PHEX: variants seen among roughly 807,000 people sequenced by gnomAD.
The protein encoded by PHEX is phosphate-regulating neutral endopeptidase PHEX.
In PHEX, 16 loss-of-function variants were observed where a neutral mutation model predicts 68.0. The observed-to-expected ratio is 0.24, with a 90% CI of 0.16 to 0.36. The LOEUF (loss-of-function observed/expected upper bound fraction) is 0.36. Among genes scored for constraint, PHEX ranks in the 10% least tolerant of loss-of-function variants. The pLI is 1.00. For synonymous variants in PHEX, 208 were observed against 205.1 expected (o/e 1.01, Z -0.12); for missense variants, 480 against 575.5 (o/e 0.83, Z 1.70).
At chrX:22,230,229 C>CTTTTTTTGTTTTT (rs1935671592) in intron 20 of PHEX, among the ~76,000 whole-genome samples, 1 of 10,919 alleles carries the variant, frequency 9.2e-5, no homozygotes, top group Non-Finnish European at 1.8e-4. Context: ...TATATGGGCT[C>CTTTTTTTGTTTTT]TTTTTTTTTT....
chrX:22,110,168 CT>C (rs2147060429), intron 9 of PHEX, among the ~76,000 whole-genome samples: 1 of 112,053 alleles, frequency 8.9e-6, no homozygotes, highest in African/African-American at 3.2e-5. Flanking sequence ...TCATCGATAG[CT>C]TCTTGGAAAC....
At chrX:22,231,764 C>T (rs759459262) in intron 20 of PHEX, among the ~76,000 whole-genome samples, 16 of 111,807 alleles carry the variant, frequency 1.4e-4, no homozygotes, top group African/African-American at 4.5e-4. Context: ...GTGTCTCTAT[C>T]TCCTTCAGTT....
chrX:22,034,972 T>A (rs1349766997), intron 1 of PHEX, among the ~76,000 whole-genome samples: 1 of 110,458 alleles, frequency 9.1e-6, no homozygotes, highest in Non-Finnish European at 1.9e-5. Flanking sequence ...GCCACCCACC[T>A]CCACTCTGCA....
At chrX:22,224,993 G>GATA in intron 18 of PHEX, among the ~76,000 whole-genome samples, 1 of 99,029 alleles carries the variant, frequency 1.0e-5, no homozygotes, top group Non-Finnish European at 2.1e-5. Flanking sequence ...AGCTCTGTAT[G>GATA]TCAGAAGTCT....
At chrX:22,044,330 G>A (rs935315937) in intron 2 of PHEX, among the ~76,000 whole-genome samples, 13 of 111,422 alleles carry the variant, frequency 1.2e-4, no homozygotes, top group African/African-American at 3.9e-4. Flanking sequence ...TCATTCTGTG[G>A]CTGCATACAG....
At chrX:22,212,185 T>C (rs1934949166) in intron 15 of PHEX, among the ~76,000 whole-genome samples, 1 of 111,680 alleles carries the variant, frequency 9.0e-6, no homozygotes, top group African/African-American at 3.3e-5. Context: ...CTTCTTTTGG[T>C]GGTTGAAGCA....
chrX:22,135,823 C>A (rs1483204475), intron 12 of PHEX, among the ~76,000 whole-genome samples: 1 of 111,960 alleles, frequency 8.9e-6, no homozygotes, highest in Admixed American at 9.5e-5. Context: ...ACTCTGCTTT[C>A]TTTGAGCTGA....
At chrX:22,188,100 T>TG (rs1208901374) in intron 14 of PHEX, among the ~76,000 whole-genome samples, 9 of 111,977 alleles carry the variant, frequency 8.0e-5, no homozygotes, top group African/African-American at 2.9e-4. Context: ...TCTTTGTAGC[T>TG]GGGGAGAAGG....
chrX:22,248,399 C>T lies in PHEX; in HGVS notation c.*446C>T, dbSNP rs1192698347. 1.3e-5 allele frequency: 2 copies of T among 153,125 alleles called. No homozygotes were observed. The highest frequency in any genetic ancestry group is 2.5e-5 in the Non-Finnish European group (2 of 78,583). 12.6% of individuals were successfully genotyped at this position (153,125 alleles called of 1,213,427 possible). A position where few individuals can be genotyped will look rare whatever the true frequency, so the allele number is the denominator to read the frequency against. Reference sequence around the variant, plus strand: ...GTGCATGAATACCTGGGAGGGCTTGCTGCTCTGTGGAATGCAGTGCACGTT... The same window carrying T: ...GTGCATGAATACCTGGGAGGGCTTGTTGCTCTGTGGAATGCAGTGCACGTT... On this transcript the variant is annotated 3_prime_UTR_variant, in exon 22 of 22. Coordinates refer to ENST00000379374, the MANE Select transcript of PHEX (RefSeq NM_000444.6).
intron 12 of PHEX, among the ~76,000 whole-genome samples, chrX:22,145,560 G>A (rs763603640): frequency 9.3e-6 from 1 of 107,314 alleles, no homozygotes; most frequent in African/African-American, 3.4e-5. Context: ...AGGTTGCAGT[G>A]AGCCAAGATC....
At chrX:22,151,821 G>A (rs376490092) in intron 12 of PHEX, among the ~76,000 whole-genome samples, 16 of 110,898 alleles carry the variant, frequency 1.4e-4, no homozygotes, top group East Asian at 8.5e-4. Flanking sequence ...CTTGTCTTCC[G>A]GGGGCTCTCA....
intron 12 of PHEX, among the ~76,000 whole-genome samples, chrX:22,134,189 G>A (rs921927518): frequency 1.8e-5 from 2 of 112,420 alleles, no homozygotes; most frequent in East Asian, 2.8e-4. Flanking sequence ...GACTACAAAC[G>A]TATTTCCTAA....
intron 13 of PHEX, among the ~76,000 whole-genome samples, chrX:22,173,804 G>A (rs1207905715): frequency 9.0e-6 from 1 of 111,086 alleles, no homozygotes; most frequent in Non-Finnish European, 1.9e-5. Context: ...TTAAATGAAA[G>A]GTATCCTAGA....
rs1283120131 is a variant in PHEX, at chrX:22,144,894, TTGTC to T, written c.1404+11273_1404+11276del. Among the ~76,000 whole-genome samples the T allele has an allele frequency of 6.3e-5, 7 of 111,824 alleles. No individual in the cohort carries two copies. In the East Asian group the frequency reaches 1.7e-3, roughly 27 times the overall value. ...TTATTTATGAAATAAATTGAGTCAT[TTGTC>T]TGGTAGAATTTTTAACAATCTTGTT... On this transcript the variant is annotated intron_variant, in intron 12 of 21. Coordinates refer to ENST00000379374, the MANE Select transcript of PHEX (RefSeq NM_000444.6).
At position 22,159,492 on chromosome X, in the gene PHEX, AAAC is replaced by A. The variant is rs58499708; in HGVS notation, c.1405-8797_1405-8795del. On this transcript the variant is annotated intron_variant, in intron 12 of 21. Coordinates refer to ENST00000379374, the MANE Select transcript of PHEX (RefSeq NM_000444.6). ...GAGACCTCGTTCTCCACAAAAAGGA[AAAC>A]AACAACAACAACAACAACAACACAA... Among the ~76,000 whole-genome samples the A allele has an allele frequency of 1.9e-4, 21 of 111,614 alleles. No individual in the cohort carries two copies. In the East Asian group the frequency reaches 3.4e-3, roughly 18 times the overall value.
intron 20 of PHEX, 91 bp downstream of exon 20, chrX:22,227,702 T>C (rs1935557223): frequency 3.4e-6 from 2 of 590,518 alleles, no homozygotes; most frequent in South Asian, 4.8e-5. Context: ...AAAAGTTTAA[T>C]GGCATGACTT....
At chrX:22,111,685 C>T (rs1440053168) in intron 10 of PHEX, 125 bp downstream of exon 10, 1 of 553,615 alleles carries the variant, frequency 1.8e-6, no homozygotes, top group Admixed American at 2.6e-5. Flanking sequence ...GTAGCCCAAG[C>T]TCTATTGTTT....
At chrX:22,109,819 A>G (rs1330880224) in intron 9 of PHEX, among the ~76,000 whole-genome samples, 1 of 112,136 alleles carries the variant, frequency 8.9e-6, no homozygotes, top group Non-Finnish European at 1.9e-5. Flanking sequence ...CAGATTTTTA[A>G]AGATATGTAT....
intron 2 of PHEX, 82 bp downstream of exon 2, chrX:22,038,619 G>A (rs1278986284): frequency 6.1e-6 from 4 of 658,642 alleles, no homozygotes; most frequent in Non-Finnish European, 1.0e-5. Context: ...GGTATTTTTA[G>A]TATTCTGTTT....
Sources: allele counts gnomAD v4.1 joint callset (sites outside exome capture counted in the v4.1 genomes callset), GRCh38; gene constraint gnomAD v4.1.1; transcripts MANE v1.5; gene names NCBI Gene and HGNC (gene_info 2026-07-23, HGNC 2026-07-21).